Variants in SAMD5 observed in about 807,000 individuals in gnomAD.
SAMD5 encodes the protein sterile alpha motif domain containing 5, also known as sterile alpha motif domain-containing protein 5.
Under a neutral mutation model 11.3 loss-of-function variants are expected in SAMD5, and 13 were observed. The observed-to-expected ratio is 1.15, with a 90% CI of 0.75 to 1.83. The LOEUF is 1.83. SAMD5 is among the 40% of genes most tolerant of loss of function. The pLI is 0.00. For synonymous variants in SAMD5, 129 were observed against 111.3 expected (o/e 1.16, Z -1.00); for missense variants, 255 against 239.1 (o/e 1.07, Z -0.44).
intron 1 of SAMD5, among the ~76,000 whole-genome samples, chr6:147,530,524 G>A (rs1583070159): frequency 6.6e-6 from 1 of 152,192 alleles, no homozygotes; most frequent in Non-Finnish European, 1.5e-5. Context: ...CCTTCCCCTC[G>A]CATCTTGGAG....
the SAMD5 span, among the ~76,000 whole-genome samples, chr6:147,759,745 T>C: frequency 6.6e-6 from 1 of 152,158 alleles, no homozygotes; most frequent in Non-Finnish European, 1.5e-5. Flanking sequence ...TTTGGCAGCA[T>C]GATTTCAAAA....
At chr6:147,777,150 C>CT in the SAMD5 span, among the ~76,000 whole-genome samples, 18 of 151,500 alleles carry the variant, frequency 1.2e-4, no homozygotes, top group African/African-American at 3.4e-4. Context: ...AAGTATTTGA[C>CT]TTTTTTTTTC....
intron 1 of SAMD5, among the ~76,000 whole-genome samples, chr6:147,602,090 G>C (rs1190931707): frequency 6.6e-6 from 1 of 152,186 alleles, no homozygotes; most frequent in Non-Finnish European, 1.5e-5. Context: ...CTTTGTAAGA[G>C]ACACAAATGC....
At chr6:147,701,912 A>G (rs1791258634) in intron 1 of SAMD5, among the ~76,000 whole-genome samples, 1 of 152,196 alleles carries the variant, frequency 6.6e-6, no homozygotes, top group African/African-American at 2.4e-5. Flanking sequence ...ATCCTTAGAT[A>G]TGTTTATATG....
chr6:147,613,782 C>A (rs73582986), intron 1 of SAMD5, among the ~76,000 whole-genome samples: 9,843 of 151,750 alleles, frequency 0.065, 1,226 homozygotes, highest in African/African-American at 0.22. Flanking sequence ...AAAGAGGTGG[C>A]AGGAGAGGAA....
the SAMD5 span, among the ~76,000 whole-genome samples, chr6:147,742,579 G>C: frequency 6.6e-6 from 1 of 152,090 alleles, no homozygotes; most frequent in Non-Finnish European, 1.5e-5. Context: ...TTTTCTTCAT[G>C]CTTATTTATC....
chr6:147,805,817 C>A, the SAMD5 span, among the ~76,000 whole-genome samples: 25 of 152,082 alleles, frequency 1.6e-4, no homozygotes, highest in African/African-American at 6.0e-4. Flanking sequence ...ATTGAAGGGG[C>A]ACTCACAATT....
chr6:147,769,737 T>C, the SAMD5 span, among the ~76,000 whole-genome samples: 1 of 152,228 alleles, frequency 6.6e-6, no homozygotes, highest in Non-Finnish European at 1.5e-5. Context: ...CTTAACCCTG[T>C]ATTTTCTGCC....
At chr6:147,611,400 T>TA (rs1789782322) in intron 1 of SAMD5, among the ~76,000 whole-genome samples, 1 of 151,814 alleles carries the variant, frequency 6.6e-6, no homozygotes, top group Admixed American at 6.6e-5. Context: ...CCATCTCTAC[T>TA]AAAAATAGAA....
chr6:147,597,810 C>T (rs1789554168), intron 1 of SAMD5, among the ~76,000 whole-genome samples: 1 of 152,220 alleles, frequency 6.6e-6, no homozygotes, highest in African/African-American at 2.4e-5. Flanking sequence ...AGCTAGGAAT[C>T]ACCAGGGAGT....
chr6:147,564,759 A>C lies in SAMD5; in HGVS notation c.*303A>C. On this transcript the variant is annotated 3_prime_UTR_variant, in exon 2 of 2. Transcript: ENST00000367474. ...CTTGGCATTCTCCCTTCCATTCTTA[A>C]TGAAAACAGATGAGGTTGGCTAAGG... 1 of 1,036,458 alleles carries C rather than the reference A, an allele frequency of 9.6e-7. No homozygotes were observed. The highest frequency in any genetic ancestry group is 1.2e-6 in the Non-Finnish European group (1 of 863,428). The allele number at this position is 1,036,458 out of a possible 1,614,324, so 64.2% of individuals were successfully genotyped here. A position where few individuals can be genotyped will look rare whatever the true frequency, so the allele number is the denominator to read the frequency against.
At chr6:147,767,815 G>A in the SAMD5 span, among the ~76,000 whole-genome samples, 1 of 152,164 alleles carries the variant, frequency 6.6e-6, no homozygotes, top group African/African-American at 2.4e-5. Context: ...ACTAAGACAG[G>A]AGGGATCATG....
At chr6:147,712,007 G>C (rs1475514447) in intron 1 of SAMD5, among the ~76,000 whole-genome samples, 1 of 152,066 alleles carries the variant, frequency 6.6e-6, no homozygotes, top group South Asian at 2.1e-4. Context: ...ACATTACAGG[G>C]GAGATAAAGA....
the SAMD5 span, among the ~76,000 whole-genome samples, chr6:147,848,496 T>C: frequency 6.6e-6 from 1 of 152,180 alleles, no homozygotes; most frequent in Non-Finnish European, 1.5e-5. Flanking sequence ...TTGAAGAAGG[T>C]GCTCTTGTTT....
At chr6:147,867,493 A>G in the SAMD5 span, among the ~76,000 whole-genome samples, 1 of 152,026 alleles carries the variant, frequency 6.6e-6, no homozygotes, top group African/African-American at 2.4e-5. Flanking sequence ...AGGGCAGTTC[A>G]TTTGTGATGG....
chr6:147,792,451 T>C, the SAMD5 span, among the ~76,000 whole-genome samples: 1 of 152,188 alleles, frequency 6.6e-6, no homozygotes, highest in African/African-American at 2.4e-5. Context: ...TGTGAACTAA[T>C]GTTTAGCTAA....
chr6:147,634,445 G>T (rs1019631634), intron 1 of SAMD5, among the ~76,000 whole-genome samples: 4 of 152,092 alleles, frequency 2.6e-5, no homozygotes, highest in African/African-American at 9.7e-5. Flanking sequence ...CTCCCATCAG[G>T]CCCCTCCTCC....
At chr6:147,724,794 A>G (rs1791602843) in intron 1 of SAMD5, among the ~76,000 whole-genome samples, 1 of 152,220 alleles carries the variant, frequency 6.6e-6, no homozygotes, top group Admixed American at 6.5e-5. Context: ...AAGATATTGA[A>G]TTAGAAATAA....
At chr6:147,856,791 G>A in the SAMD5 span, among the ~76,000 whole-genome samples, 1 of 140,938 alleles carries the variant, frequency 7.1e-6, no homozygotes, top group East Asian at 2.2e-4. Flanking sequence ...ATCCACCCAC[G>A]TGGCTTAATG....
Sources: allele counts gnomAD v4.1 joint callset (sites outside exome capture counted in the v4.1 genomes callset), GRCh38; gene constraint gnomAD v4.1.1; transcripts MANE v1.5; gene names NCBI Gene and HGNC (gene_info 2026-07-23, HGNC 2026-07-21).